The following TCERG1 variants were observed in gnomAD, a reference collection of about 807,000 sequenced individuals.
The protein encoded by TCERG1 is TATA box binding protein (TBP)-associated factor, RNA polymerase II, S, 150kD.
A neutral mutation model predicts 144.7 loss-of-function variants in TCERG1; 37 were observed. The observed-to-expected ratio is 0.26, with a 90% CI of 0.20 to 0.34. The LOEUF is 0.34. Among genes scored for constraint, TCERG1 ranks in the 10% least tolerant of loss-of-function variants. The probability of loss-of-function intolerance (pLI) is 1.00; values close to 1 mark genes in which losing one functional copy is unlikely to be tolerated. For missense variants in TCERG1, 1,027 were observed against 1,380.7 expected (o/e 0.74, Z 4.06); for synonymous variants, 492 against 458.2 (o/e 1.07, Z -0.94).
At chr5:146,485,649 ATC>A (rs2150596448) in intron 15 of TCERG1, among the ~76,000 whole-genome samples, 2 of 152,306 alleles carry the variant, frequency 1.3e-5, no homozygotes, top group African/African-American at 4.8e-5. Flanking sequence ...TTTCAATAAA[ATC>A]TCTAGTTAAA....
At position 146,509,142 on chromosome 5, in the gene TCERG1, C is replaced by A. The variant is rs1393634444; in HGVS notation, c.3046-3C>A. The A allele has an allele frequency of 9.4e-6, 14 of 1,495,072 alleles. No homozygotes were observed. Among genetic ancestry groups the A allele is most frequent in the South Asian group, 1.3e-5 (1 of 75,964 alleles). The allele number at this position is 1,495,072 out of a possible 1,614,324, so 92.6% of individuals were successfully genotyped here. A position where few individuals can be genotyped will look rare whatever the true frequency, so the allele number is the denominator to read the frequency against. On this transcript the variant is annotated splice_polypyrimidine_tract_variant and splice_region_variant and intron_variant, in intron 21 of 22. Coordinates refer to ENST00000679501, the MANE Select transcript of TCERG1 (RefSeq NM_001382548.1). ...ATCTCAACTTTTTTTTTTTTATTAA[C>A]AGAAAAAACAAAGAGAATTTGAAGA...
intron 17 of TCERG1, 26 bp from the exon 18 acceptor site, chr5:146,503,349 A>G: frequency 1.2e-6 from 2 of 1,602,182 alleles, no homozygotes; most frequent in Non-Finnish European, 1.7e-6. Context: ...TTTCCCTCCC[A>G]TCCCACTACC....
intron 16 of TCERG1, among the ~76,000 whole-genome samples, chr5:146,497,366 C>T (rs1395728236): frequency 6.6e-6 from 1 of 152,052 alleles, no homozygotes; most frequent in African/African-American, 2.4e-5. Context: ...AGGCTTGTCT[C>T]GAACTCCTGG....
At chr5:146,502,994 T>C (rs1767624483) in intron 17 of TCERG1, 1 of 152,318 alleles carries the variant, frequency 6.6e-6, no homozygotes, top group Admixed American at 6.5e-5. Context: ...TTCATAAGCC[T>C]GACTCTTAGC....
At chr5:146,493,798 A>G (rs1370992768) in intron 16 of TCERG1, among the ~76,000 whole-genome samples, 1 of 152,050 alleles carries the variant, frequency 6.6e-6, no homozygotes, top group Non-Finnish European at 1.5e-5. Context: ...GGTAGGGGGA[A>G]TTATTCTTAT....
intron 21 of TCERG1, among the ~76,000 whole-genome samples, chr5:146,508,877 C>T (rs1768226699): frequency 6.6e-6 from 1 of 152,148 alleles, no homozygotes; most frequent in African/African-American, 2.4e-5. Context: ...ATAAAATGCT[C>T]AGCAGTGTAG....
chr5:146,507,810 G>T lies in TCERG1; in HGVS notation c.2962-63G>T. 1 of 1,114,930 alleles carries T rather than the reference G, an allele frequency of 9.0e-7. No homozygotes were observed. The highest frequency in any genetic ancestry group is 1.3e-6 in the Non-Finnish European group (1 of 757,606). 69.1% of individuals were successfully genotyped at this position (1,114,930 alleles called of 1,614,324 possible). ...GTGTAATATTATGTACCTATGTGCT[G>T]CAGTTTGACTCCCTAAGTAAAAGTG... is the stretch of plus-strand genomic sequence containing the variant. On this transcript the variant is annotated intron_variant, in intron 20 of 22. Coordinates refer to ENST00000679501, the MANE Select transcript of TCERG1 (RefSeq NM_001382548.1). This position sits in a 1 kb window ranked among gnomAD's most constrained non-coding sequence, Gnocchi z 4.6.
chr5:146,492,007 C>T (rs776162018), intron 15 of TCERG1, among the ~76,000 whole-genome samples: 1 of 152,152 alleles, frequency 6.6e-6, no homozygotes, highest in Non-Finnish European at 1.5e-5. Flanking sequence ...AAAAACAACC[C>T]GTAGGCCATA....
intron 15 of TCERG1, among the ~76,000 whole-genome samples, chr5:146,490,281 CAT>C (rs1477872115): frequency 2.0e-5 from 3 of 152,114 alleles, no homozygotes; most frequent in Non-Finnish European, 4.4e-5. Context: ...GATTGGTAGA[CAT>C]ATGTGGATTG....
chr5:146,459,050 A>AGGCTC lies in TCERG1; in HGVS notation c.605_606insGGCTC (p.Ala205LeufsTer159). On this transcript the variant is annotated frameshift_variant, in exon 4 of 23. Transcript: ENST00000679501. LOFTEE classifies it high-confidence loss of function. ...CAGGCGCAGGCTCAGGCCCAGGCAC[A>AGGCTC]AGCTCAGGCCCAGGCTCAGGCTCAG... 1 of 1,603,214 alleles carries AGGCTC rather than the reference A, an allele frequency of 6.2e-7. No individual in the cohort carries two copies. The highest frequency in any genetic ancestry group is 1.3e-5 in the African/African-American group (1 of 74,630).
chr5:146,469,966 G>A (rs55997038), intron 7 of TCERG1, among the ~76,000 whole-genome samples: 37,321 of 151,846 alleles, frequency 0.25, 5,713 homozygotes, highest in East Asian at 0.84. Context: ...ATGGTTATAT[G>A]TACGTACATA....
At chr5:146,501,690 C>T (rs1418461205) in intron 17 of TCERG1, among the ~76,000 whole-genome samples, 1 of 152,112 alleles carries the variant, frequency 6.6e-6, no homozygotes, top group Non-Finnish European at 1.5e-5. Flanking sequence ...AGTTACATCA[C>T]TACATCAGGT....
In TCERG1 at chr5:146,459,012, GCAGGCTCAGGCC is replaced by G. The variant is rs1763079853; in HGVS notation, c.573_584del (p.Ala239_Gln242del). 2 of 1,610,634 alleles carry G rather than the reference GCAGGCTCAGGCC, an allele frequency of 1.2e-6. No homozygotes were observed. The highest frequency in any genetic ancestry group is 1.1e-5 in the South Asian group (1 of 90,908). On this transcript the variant is annotated inframe_deletion, in exon 4 of 23. Coordinates refer to ENST00000679501, the MANE Select transcript of TCERG1 (RefSeq NM_001382548.1). ...CACAGGTTCAGGCTCAGGCCCAGGC[GCAGGCTCAGGCC>G]CAGGCGCAGGCTCAGGCCCAGGCAC... is the stretch of plus-strand genomic sequence containing the variant.
chr5:146,460,305 T>C (rs139742284), intron 4 of TCERG1, among the ~76,000 whole-genome samples: 80 of 152,116 alleles, frequency 5.3e-4, no homozygotes, highest in African/African-American at 1.8e-3. Flanking sequence ...TGTGACAATA[T>C]TGCTTTCTTT....
Position 146,459,099 on chromosome 5 carries a change from G to A in TCERG1, c.654G>A (p.Gln218=), listed in dbSNP as rs755241284. 9.6e-5 allele frequency: 147 copies of A among 1,525,176 alleles called. No individual in the cohort carries two copies. Among genetic ancestry groups the A allele is most frequent in the African/African-American group, 4.2e-5 (3 of 71,398 alleles). The allele number at this position is 1,525,176 out of a possible 1,614,324, so 94.5% of individuals were successfully genotyped here. A position where few individuals can be genotyped will look rare whatever the true frequency, so the allele number is the denominator to read the frequency against. Residue 218 remains glutamine, a synonymous_variant, in exon 4 of 23, where the codon CAG becomes CAA. Coordinates refer to ENST00000679501, the MANE Select transcript of TCERG1 (RefSeq NM_001382548.1). ...AGGCCCAGGCCCAGGCCCAGGCCCA[G>A]GCCCAGGCCCAAGCCCAAGCCCAGG... is the stretch of plus-strand genomic sequence containing the variant. ...QAQAQAQAQA[Q]AQAQAQAQAQ... is the part of the protein sequence containing the mutation.
chr5:146,500,535 A>G (rs931109176), intron 17 of TCERG1, among the ~76,000 whole-genome samples: 11 of 152,206 alleles, frequency 7.2e-5, no homozygotes, highest in Non-Finnish European at 1.3e-4. Flanking sequence ...AGTTGAATCA[A>G]TAGCTGAACA....
At position 146,455,245 on chromosome 5, in the gene TCERG1, A is replaced by G; in HGVS notation, c.249A>G (p.Gly83=). The change falls in exon 2 of 23, where the codon GGA becomes GGG. Residue 83 remains glycine (G), a synonymous_variant. Transcript: ENST00000679501. ...DPNMPPMPPP[G]GIPPPMGPPH... ...ATATGCCGCCAATGCCTCCTCCAGG[A>G]GGGATACCTCCACCTATGGGCCCTC... 1 of 1,614,214 alleles carries G rather than the reference A, an allele frequency of 6.2e-7. No individual in the cohort carries two copies. Among genetic ancestry groups the G allele is most frequent in the East Asian group, 2.2e-5 (1 of 44,874 alleles).
rs2150320913 is a variant in TCERG1, at chr5:146,463,628, C to T, written c.970C>T (p.Pro324Ser). 1 of 1,614,222 alleles carries T rather than the reference C, an allele frequency of 6.2e-7. No individual in the cohort carries two copies. The highest frequency in any genetic ancestry group is 8.5e-7 in the Non-Finnish European group (1 of 1,180,044). ...TPTVSVSTPAPTATPVQTVPQ... is the reference protein window; with the variant it reads ...TPTVSVSTPASTATPVQTVPQ... ...TACAGTTAGTGTTTCAACTCCTGCT[C>T]CTACAGCCACACCTGTGCAAACCGT... Residue 324 changes from proline to serine, a missense_variant, in exon 5 of 23, where the codon CCT becomes TCT. By Grantham distance (74) the Pro-to-Ser change is moderately conservative. Around this residue, in one of 6 missense-constraint regions of TCERG1, gnomAD observed 187 missense variants for 169.1 expected, o/e 1.11. Transcript: ENST00000679501.
intron 15 of TCERG1, among the ~76,000 whole-genome samples, chr5:146,486,630 A>G (rs778835090): frequency 6.6e-5 from 10 of 152,228 alleles, no homozygotes; most frequent in Non-Finnish European, 1.5e-4. Flanking sequence ...TAGTCAACAT[A>G]GTGCTGGAAG....
Sources: allele counts gnomAD v4.1 joint callset (sites outside exome capture counted in the v4.1 genomes callset), GRCh38; gene constraint gnomAD v4.1.1; regional missense constraint gnomAD v4.1.1; non-coding constraint Gnocchi (gnomAD v3.1); transcripts MANE v1.5; gene names NCBI Gene and HGNC (gene_info 2026-07-23, HGNC 2026-07-21).